Variants in MAMDC4 observed in about 807,000 individuals in gnomAD.
The protein encoded by MAMDC4 is MAM domain containing 4.
In MAMDC4, 168 loss-of-function variants were observed where a neutral mutation model predicts 153.3. The observed-to-expected ratio is 1.10, with a 90% confidence interval of 0.97 to 1.25. The LOEUF is 1.25. MAMDC4 is among the 50% of genes most tolerant of loss of function. The pLI, the probability that MAMDC4 is intolerant of heterozygous loss-of-function variation, is 0.00. For missense variants in MAMDC4, 1,701 were observed against 1,542.8 expected (o/e 1.10, Z -1.72); for synonymous variants, 744 against 651.5 (o/e 1.14, Z -2.16).
rs1849046073 is a variant in MAMDC4 at position 136,858,820 on chromosome 9, T to C, written c.2923T>C (p.Phe975Leu). The change falls in exon 23 of 27, where the codon TTC (phenylalanine) becomes CTC (leucine). Residue 975 changes from phenylalanine to leucine, a missense_variant. Phe to Leu is a conservative substitution (Grantham distance 22). Transcript: ENST00000317446. Reference sequence around the variant, plus strand: ...GGCCACCCCAGCCTCCTGCCTCCGCTTCTGGTACCACATGGGTTTTCCTGA... The same window carrying C: ...GGCCACCCCAGCCTCCTGCCTCCGCCTCTGGTACCACATGGGTTTTCCTGA... The part of the protein sequence containing the change: ...LPATPASCLR[F>L]WYHMGFPEHF... 1.2e-6 allele frequency: 2 copies of C among 1,610,528 alleles called. No individual in the cohort carries two copies. Among genetic ancestry groups the C allele is most frequent in the Non-Finnish European group, 1.7e-6 (2 of 1,178,762 alleles).
Position 136,854,056 on chromosome 9 carries a change from T to C in MAMDC4, c.650T>C (p.Phe217Ser). The C allele has an allele frequency of 6.2e-7, 1 of 1,612,816 alleles. No homozygotes were observed. Among genetic ancestry groups the C allele is most frequent in the Non-Finnish European group, 8.5e-7 (1 of 1,179,940 alleles). ...RGAVALDDLEFWDCGLPTPQA... is the reference protein window; with the variant it reads ...RGAVALDDLESWDCGLPTPQA... ...GCTGTGGCTCTAGATGACCTAGAGT[T>C]CTGGGACTGTGGTCTGCCCAGTAAG... The change falls in exon 6 of 27, where the codon TTC becomes TCC. Residue 217 changes from phenylalanine (F) to serine (S), a missense_variant. Transcript: ENST00000317446.
Position 136,860,040 on chromosome 9 carries a change from C to CT in MAMDC4, c.3351dup (p.Asp1118Ter). On this transcript the variant is annotated frameshift_variant, in exon 26 of 27. Transcript: ENST00000317446. LOFTEE classifies it high-confidence loss of function. ...GCAACACAGAGGCCACAGCCCCTGG[C>CT]TTTGACAACATCCTTTTCAATGCGG... 6.3e-7 allele frequency: 1 copy of CT among 1,598,348 alleles called. No homozygotes were observed. The highest frequency in any genetic ancestry group is 8.5e-7 in the Non-Finnish European group (1 of 1,172,708).
At position 136,859,112 on chromosome 9, in the gene MAMDC4, G is replaced by A. The variant is rs1241304360; in HGVS notation, c.3064G>A (p.Ala1022Thr). The A allele has an allele frequency of 1.3e-6, 2 of 1,556,292 alleles. No individual in the cohort carries two copies. The highest frequency in any genetic ancestry group is 2.7e-5 in the African/African-American group (2 of 73,718). ...GTGGCTGGAGGCCCAGGTGGAGGTA[G>A]CCAGTGCCAAGGAGTTCCAGGTGAG... The part of the protein sequence containing the change: ...HQWLEAQVEV[A>T]SAKEFQIVFE... The change falls in exon 24 of 27, where the codon GCC becomes ACC. Residue 1022 changes from alanine to threonine, a missense_variant. Physicochemically the swap from Ala to Thr is moderately conservative, Grantham distance 58. Transcript: ENST00000317446.
chr9:136,859,626 C>G (rs1849057694), intron 25 of MAMDC4: 1 of 594,108 alleles, frequency 1.7e-6, no homozygotes, highest in African/African-American at 1.9e-5. Context: ...CCAGCCGGGT[C>G]AGGGCAGCCA....
chr9:136,855,677 G>T, intron 12 of MAMDC4, 55 bp from the exon 13 acceptor site: 1 of 1,567,196 alleles, frequency 6.4e-7, no homozygotes, highest in East Asian at 2.3e-5. Context: ...GGTAGGCGCC[G>T]GGGCAGGCTG....
Position 136,854,046 on chromosome 9 carries a change from G to A in MAMDC4, c.640G>A (p.Asp214Asn). ...CCACAGGGGCGCTGTGGCTCTAGAT[G>A]ACCTAGAGTTCTGGGACTGTGGTCT... ...ATHRGAVALD[D>N]LEFWDCGLPT... The change falls in exon 6 of 27, where the codon GAC (aspartate) becomes AAC (asparagine). Residue 214 changes from aspartate to asparagine, a missense_variant. Transcript: ENST00000317446. 2 of 1,612,874 alleles carry A rather than the reference G, an allele frequency of 1.2e-6. No individual in the cohort carries two copies. The highest frequency in any genetic ancestry group is 1.7e-6 in the Non-Finnish European group (2 of 1,179,958).
chr9:136,855,984 G>A (rs1326833667), intron 13 of MAMDC4, 34 bp from the exon 14 acceptor site: 2 of 1,592,130 alleles, frequency 1.3e-6, no homozygotes, highest in African/African-American at 2.7e-5. Flanking sequence ...GCCCTGGAAG[G>A]GATGAGGCTC....
chr9:136,854,692 G>A lies in MAMDC4; in HGVS notation c.934+16G>A. The A allele has an allele frequency of 6.2e-7, 1 of 1,611,272 alleles. No individual in the cohort carries two copies. The highest frequency in any genetic ancestry group is 8.5e-7 in the Non-Finnish European group (1 of 1,179,280). ...AGTGCACAGGGTGAGGCCCACAGAG[G>A]ACCCGGCCCAGGCCCTGCCCACGCA... is the stretch of plus-strand genomic sequence containing the variant. On this transcript the variant is annotated intron_variant, in intron 8 of 26. Coordinates refer to ENST00000317446, the MANE Select transcript of MAMDC4 (RefSeq NM_206920.3).
chr9:136,854,804 T>C lies in MAMDC4; in HGVS notation c.977T>C (p.Ile326Thr). 6.2e-7 allele frequency: 1 copy of C among 1,612,804 alleles called. No individual in the cohort carries two copies. The highest frequency in any genetic ancestry group is 8.5e-7 in the Non-Finnish European group (1 of 1,179,864). ...GTGGCCGAGCCTGGCACCCCTGCTATACTCTCCAGCCCCGAATTCCAAGCC... is the reference window on the plus strand; with the variant it reads ...GTGGCCGAGCCTGGCACCCCTGCTACACTCTCCAGCCCCGAATTCCAAGCC... ...VSVAEPGTPA[I>T]LSSPEFQASG... is the part of the protein sequence containing the mutation. The change falls in exon 9 of 27, where the codon ATA becomes ACA. Residue 326 changes from isoleucine (I) to threonine (T), a missense_variant. Transcript: ENST00000317446.
intron 25 of MAMDC4, chr9:136,859,597 G>T: frequency 1.7e-6 from 1 of 592,220 alleles, no homozygotes; most frequent in South Asian, 2.1e-5. Context: ...CCAGGGCAAG[G>T]TCCATCCTGG....
At position 136,855,546 on chromosome 9, in the gene MAMDC4, C is replaced by G; in HGVS notation, c.1398C>G (p.Asp466Glu). Reference protein sequence around the residue: ...SCKQGHLACGDLCVPPEQLCD... With the variant: ...SCKQGHLACGELCVPPEQLCD... ...AGCAGGGGCATCTTGCCTGCGGGGA[C>G]CTGTGTGTGCCCCCGGAACAACTGT... Residue 466 changes from aspartate to glutamate, a missense_variant, in exon 12 of 27, where the codon GAC becomes GAG. By Grantham distance (45) the Asp-to-Glu change is conservative. Transcript: ENST00000317446. 1 of 1,591,288 alleles carries G rather than the reference C, an allele frequency of 6.3e-7. No homozygotes were observed. Among genetic ancestry groups the G allele is most frequent in the Non-Finnish European group, 8.6e-7 (1 of 1,169,156 alleles).
intron 25 of MAMDC4, 66 bp from the exon 26 acceptor site, chr9:136,859,820 G>C (rs1849059696): frequency 6.4e-7 from 1 of 1,563,240 alleles, no homozygotes; most frequent in Non-Finnish European, 8.7e-7. Context: ...TGCAGCCCCA[G>C]GCTTCCTCCT....
chr9:136,855,782 G>C lies in MAMDC4; in HGVS notation c.1522G>C (p.Val508Leu). The change falls in exon 13 of 27, where the codon GTG becomes CTG. Residue 508 changes from valine to leucine, a missense_variant. Physicochemically the swap from Val to Leu is conservative, Grantham distance 32. Coordinates refer to ENST00000317446, the MANE Select transcript of MAMDC4 (RefSeq NM_206920.3). ...PEAGGWEDAS[V>L]GRLQWRRVSA... ...GGCTGGGGGCTGGGAGGACGCCAGC[G>C]TGGGGCGGCTGCAGTGGCGGCGTGT... 6.4e-7 allele frequency: 1 copy of C among 1,560,760 alleles called. No homozygotes were observed. The highest frequency in any genetic ancestry group is 8.7e-7 in the Non-Finnish European group (1 of 1,153,778).
At position 136,853,422 on chromosome 9, in the gene MAMDC4, G is replaced by C; in HGVS notation, c.292G>C (p.Gly98Arg). The C allele has an allele frequency of 6.2e-7, 1 of 1,603,884 alleles. No individual in the cohort carries two copies. The highest frequency in any genetic ancestry group is 8.5e-7 in the Non-Finnish European group (1 of 1,173,590). Residue 98 changes from glycine (G) to arginine (R), a missense_variant, in exon 3 of 27, where the codon GGG becomes CGG. Physicochemically the swap from Gly to Arg is moderately radical, Grantham distance 125 (BLOSUM62 -2). Coordinates refer to ENST00000317446, the MANE Select transcript of MAMDC4 (RefSeq NM_206920.3). ...DRAGAALEGP[G>R]PHSDHTLGTD... ...GGCAGGGGCCGCACTGGAGGGTCCT[G>C]GGCCTCACTCAGACCACACACTGGG...
intron 14 of MAMDC4, chr9:136,856,501 A>G (rs1356128023): frequency 6.4e-6 from 5 of 784,228 alleles, no homozygotes; most frequent in Admixed American, 5.1e-5. Flanking sequence ...GATGGCCCTG[A>G]CCAGCAGGGA....
chr9:136,853,067 GC>G, intron 1 of MAMDC4, 34 bp from the exon 2 acceptor site: 3 of 1,591,230 alleles, frequency 1.9e-6, no homozygotes, highest in East Asian at 2.2e-5. Context: ...TGGTCACCCT[GC>G]CCCCAGGCCA....
At position 136,859,132 on chromosome 9, in the gene MAMDC4, G is replaced by C. The variant is rs761028204; in HGVS notation, c.3084G>C (p.Gln1028His). ...AGGTAGCCAGTGCCAAGGAGTTCCA[G>C]GTGAGGCTGGCTGTGGGCAAGGAGC... is the stretch of plus-strand genomic sequence containing the variant. ...QVEVASAKEF[Q>H]IVFEATLGGQ... The change falls in exon 24 of 27, where the codon CAG (glutamine) becomes CAC (histidine). Residue 1028 changes from glutamine to histidine, a missense_variant and splice_region_variant. By Grantham distance (24) the Gln-to-His change is conservative. Coordinates refer to ENST00000317446, the MANE Select transcript of MAMDC4 (RefSeq NM_206920.3). 6.4e-7 allele frequency: 1 copy of C among 1,570,368 alleles called. No homozygotes were observed.
At position 136,857,499 on chromosome 9, in the gene MAMDC4, G is replaced by A; in HGVS notation, c.2239G>A (p.Gly747Ser). Residue 747 changes from glycine (G) to serine (S), a missense_variant, in exon 18 of 27, where the codon GGC becomes AGC. Coordinates refer to ENST00000317446, the MANE Select transcript of MAMDC4 (RefSeq NM_206920.3). ...CTCAGACTGCGGCTTCTCCCCTGGAGGCCAAGGTCTCTGGAGGCGGCAGGC... is the reference window on the plus strand; with the variant it reads ...CTCAGACTGCGGCTTCTCCCCTGGAAGCCAAGGTCTCTGGAGGCGGCAGGC... ...EDSDCGFSPG[G>S]QGLWRRQANA... The A allele has an allele frequency of 3.1e-6, 5 of 1,610,142 alleles. No individual in the cohort carries two copies. The highest frequency in any genetic ancestry group is 2.5e-6 in the Non-Finnish European group (3 of 1,179,970).
chr9:136,852,557 C>T (rs2131230973), intron 1 of MAMDC4, 95 bp downstream of exon 1: 1 of 1,459,490 alleles, frequency 6.9e-7, no homozygotes. Context: ...GGGCTGATGC[C>T]TGAGCCCCAA....
Sources: gnomAD v4.1 joint callset for allele counts on GRCh38, gnomAD v4.1.1 for gene constraint, MANE v1.5 for transcripts, NCBI Gene and HGNC (gene_info 2026-07-23, HGNC 2026-07-21) for gene names.